The following SYBU variants were observed in gnomAD, a reference collection of about 807,000 sequenced individuals.
The protein encoded by SYBU is GOLSYN A protein.
In SYBU, 21 loss-of-function variants were observed where a neutral mutation model predicts 35.9. That is an observed-to-expected ratio of 0.58 (90% CI 0.41 to 0.84). The LOEUF is 0.84. Among genes scored for constraint, SYBU ranks in the 40% least tolerant of loss-of-function variants. The pLI, the probability that SYBU is intolerant of heterozygous loss-of-function variation, is 0.00. For synonymous variants in SYBU, 319 were observed against 324.3 expected (o/e 0.98, Z 0.18); for missense variants, 768 against 848.2 (o/e 0.91, Z 1.17).
At chr8:109,580,245 C>A in intron 4 of SYBU, 1 of 489,314 alleles carries the variant, frequency 2.0e-6, no homozygotes, top group Non-Finnish European at 3.7e-6. Flanking sequence ...GACCATAAAG[C>A]TTTTTTTGGA....
At chr8:109,680,002 C>A (rs186661625) in intron 1 of SYBU, among the ~76,000 whole-genome samples, 5 of 151,802 alleles carry the variant, frequency 3.3e-5, no homozygotes, top group African/African-American at 1.2e-4. Flanking sequence ...TAATACAACA[C>A]ATTTACTTAA....
intron 3 of SYBU, among the ~76,000 whole-genome samples, chr8:109,601,288 G>T (rs1249004518): frequency 6.6e-6 from 1 of 152,136 alleles, no homozygotes; most frequent in Non-Finnish European, 1.5e-5. Context: ...GAGCTACTAA[G>T]CAGCAGAGCT....
chr8:109,624,966 C>T (rs1812825622), intron 2 of SYBU, among the ~76,000 whole-genome samples: 1 of 152,054 alleles, frequency 6.6e-6, no homozygotes, highest in South Asian at 2.1e-4. Context: ...CTATCTGGCG[C>T]TTTATAGAAA....
intron 1 of SYBU, among the ~76,000 whole-genome samples, chr8:109,650,524 T>TCA (rs1209680402): frequency 1.3e-5 from 2 of 152,042 alleles, no homozygotes; most frequent in Non-Finnish European, 2.9e-5. Context: ...GGTGTGGGGG[T>TCA]CACTGGTGCA....
chr8:109,580,714 A>G (rs1822930780), intron 4 of SYBU, among the ~76,000 whole-genome samples: 1 of 151,896 alleles, frequency 6.6e-6, no homozygotes, highest in African/African-American at 2.4e-5. Context: ...CTGATTCACT[A>G]TCCTCCTCAA....
Position 109,663,258 on chromosome 8 carries a change from CAGATAGAT to C in SYBU, c.-129+17445_-129+17452del, listed in dbSNP as rs67666534. ...AGGGTCAGTTTAATAAAAATACATACAGATAGATAGATAGATAGATAGATAGATAGATA... is the reference window on the plus strand; with the variant it reads ...AGGGTCAGTTTAATAAAAATACATACAGATAGATAGATAGATAGATAGATA... On this transcript the variant is annotated intron_variant, in intron 1 of 5. Transcript: ENST00000408889. Among the ~76,000 whole-genome samples the C allele has an allele frequency of 8.0e-3, 1,199 of 149,142 alleles. 9 individuals carry two copies. Among genetic ancestry groups the C allele is most frequent in the Middle Eastern group, 0.021 (6 of 288 alleles).
chr8:109,598,965 A>G (rs530786876), intron 3 of SYBU, among the ~76,000 whole-genome samples: 3 of 152,358 alleles, frequency 2.0e-5, no homozygotes, highest in Admixed American at 6.5e-5. Context: ...AAACATCACA[A>G]TAAGATTCAA....
intron 2 of SYBU, among the ~76,000 whole-genome samples, chr8:109,635,207 G>A (rs1255860631): frequency 2.6e-5 from 4 of 152,146 alleles, no homozygotes; most frequent in Admixed American, 2.0e-4. Context: ...GAAGATGACT[G>A]ATAACCTAAT....
intron 3 of SYBU, among the ~76,000 whole-genome samples, chr8:109,612,043 G>A (rs2703383): frequency 0.1 from 15,200 of 152,138 alleles, 1,023 homozygotes; most frequent in East Asian, 0.36. Flanking sequence ...TCCTTTGAAG[G>A]TGGACTTTAC....
chr8:109,575,344 C>G lies in SYBU; in HGVS notation c.1554G>C (p.Leu518Phe), dbSNP rs374229180. The change falls in exon 7 of 7, where the codon TTG becomes TTC. Residue 518 changes from leucine to phenylalanine, a missense_variant. By Grantham distance (22) the Leu-to-Phe change is conservative. Transcript: ENST00000276646. Reference protein sequence around the residue: ...QKLQDPCPSSLASPDESEPDS... With the variant: ...QKLQDPCPSSFASPDESEPDS... ...CTGGTTCAGACTCATCAGGGGACGC[C>G]AAGCTCGAGGGACAGGGGTCCTGGA... The G allele has an allele frequency of 6.2e-7, 1 of 1,614,118 alleles. No homozygotes were observed. Among genetic ancestry groups the G allele is most frequent in the South Asian group, 1.1e-5 (1 of 91,082 alleles).
At chr8:109,677,546 C>T (rs1817236688) in intron 1 of SYBU, among the ~76,000 whole-genome samples, 1 of 152,166 alleles carries the variant, frequency 6.6e-6, no homozygotes, top group Non-Finnish European at 1.5e-5. Flanking sequence ...TTTTTCTCTA[C>T]TCATTGCCTT....
At chr8:109,667,614 T>C (rs1816805095) in intron 1 of SYBU, among the ~76,000 whole-genome samples, 2 of 152,112 alleles carry the variant, frequency 1.3e-5, no homozygotes, top group African/African-American at 4.8e-5. Context: ...AATTTTACAT[T>C]TCTTGTTTTT....
rs1440443090 is a variant in SYBU, at chr8:109,644,674, C to G, written c.-15G>C. On this transcript the variant is annotated 5_prime_UTR_variant, in exon 1 of 7. Transcript: ENST00000276646. The stretch of plus-strand genomic sequence containing the variant: ...AGGGGCCCCATCGCGCCGCTGCCCG[C>G]CGGCTCCTCGCGCCGCCGCTGCCGC... The G allele has an allele frequency of 2.0e-6, 3 of 1,515,540 alleles. No individual in the cohort carries two copies. The highest frequency in any genetic ancestry group is 2.6e-6 in the Non-Finnish European group (3 of 1,139,002). The allele number at this position is 1,515,540 out of a possible 1,614,324, so 93.9% of individuals were successfully genotyped here.
intron 3 of SYBU, among the ~76,000 whole-genome samples, chr8:109,616,947 T>A (rs1015899778): frequency 1.3e-5 from 2 of 151,942 alleles, no homozygotes; most frequent in Non-Finnish European, 2.9e-5. Flanking sequence ...GAGACCAGCC[T>A]GACCAACATG....
intron 3 of SYBU, among the ~76,000 whole-genome samples, chr8:109,597,633 G>A (rs1276088851): frequency 6.6e-6 from 1 of 151,998 alleles, no homozygotes. Flanking sequence ...AAGATCAATT[G>A]AGCCCCGGAG....
intron 2 of SYBU, among the ~76,000 whole-genome samples, chr8:109,622,576 T>C (rs564815053): frequency 6.6e-6 from 1 of 152,282 alleles, no homozygotes; most frequent in Admixed American, 6.5e-5. Context: ...CAAGCTGATG[T>C]TCTTTGGTTG....
At chr8:109,655,025 C>T (rs1031895393) in intron 1 of SYBU, among the ~76,000 whole-genome samples, 1 of 152,208 alleles carries the variant, frequency 6.6e-6, no homozygotes, top group African/African-American at 2.4e-5. Flanking sequence ...ATTCCTTCCC[C>T]ATCCTATCTC....
chr8:109,583,341 C>G (rs994733064), intron 4 of SYBU, among the ~76,000 whole-genome samples: 1 of 152,200 alleles, frequency 6.6e-6, no homozygotes, highest in African/African-American at 2.4e-5. Context: ...CCAGGTCTGT[C>G]TGACTCCAAA....
At chr8:109,670,386 T>TA (rs1362239592) in intron 1 of SYBU, among the ~76,000 whole-genome samples, 1 of 151,352 alleles carries the variant, frequency 6.6e-6, no homozygotes, top group Non-Finnish European at 1.5e-5. Flanking sequence ...TAAAAAAAAA[T>TA]AAAAAAATAA....
Sources: allele counts gnomAD v4.1 joint callset (sites outside exome capture counted in the v4.1 genomes callset), GRCh38; gene constraint gnomAD v4.1.1; transcripts MANE v1.5; gene names NCBI Gene and HGNC (gene_info 2026-07-23, HGNC 2026-07-21).